PLXNA2: variants seen among roughly 807,000 people sequenced by gnomAD.
The protein encoded by PLXNA2 is plexin A2, also known as plexin-A2.
PLXNA2 carries 91 observed loss-of-function variants against 193.5 expected under a neutral mutation model. That is an observed-to-expected ratio of 0.47 (90% CI 0.40 to 0.56). The LOEUF (loss-of-function observed/expected upper bound fraction) is 0.56. PLXNA2 is among the 20% of genes least tolerant of loss of function. The probability of loss-of-function intolerance (pLI) is 0.00; values close to 1 mark genes in which losing one functional copy is unlikely to be tolerated. For synonymous variants in PLXNA2, 997 were observed against 1,027.3 expected (o/e 0.97, Z 0.56); for missense variants, 1,995 against 2,503.2 (o/e 0.80, Z 4.33).
intron 3 of PLXNA2, among the ~76,000 whole-genome samples, chr1:208,189,970 G>C (rs1044237810): frequency 3.1e-4 from 47 of 152,188 alleles, no homozygotes; most frequent in African/African-American, 1.1e-3. Flanking sequence ...CAAAAGTGTG[G>C]TTGTATGTGT....
chr1:208,081,907 C>G (rs954721445), intron 11 of PLXNA2, among the ~76,000 whole-genome samples: 4 of 152,090 alleles, frequency 2.6e-5, no homozygotes, highest in Non-Finnish European at 5.9e-5. Flanking sequence ...TGGAGCACCC[C>G]TCCTTCTTCA....
At chr1:208,158,444 T>G (rs1352249715) in intron 3 of PLXNA2, among the ~76,000 whole-genome samples, 1 of 152,042 alleles carries the variant, frequency 6.6e-6, no homozygotes, top group Non-Finnish European at 1.5e-5. Context: ...GACCTGCATT[T>G]CCCCCTGTCT....
At chr1:208,071,571 C>T (rs1571883995) in intron 12 of PLXNA2, among the ~76,000 whole-genome samples, 1 of 152,316 alleles carries the variant, frequency 6.6e-6, no homozygotes, top group East Asian at 1.9e-4. Flanking sequence ...TAGGCTAGAG[C>T]CCAGCTGACG....
intron 28 of PLXNA2, 69 bp from the exon 29 acceptor site, chr1:208,031,828 G>A: frequency 7.2e-7 from 1 of 1,380,188 alleles, no homozygotes. Context: ...CATACCAGAT[G>A]GTGCCTTGGA....
chr1:208,089,942 T>C (rs936187958), intron 9 of PLXNA2, among the ~76,000 whole-genome samples: 1 of 152,182 alleles, frequency 6.6e-6, no homozygotes, highest in African/African-American at 2.4e-5. Flanking sequence ...GCATCTTTGC[T>C]GTTCCTCAAA....
intron 3 of PLXNA2, among the ~76,000 whole-genome samples, chr1:208,185,720 G>GAAAAAAAAAAAAAAAAAAAAAAAAAAAAA (rs79068594): frequency 1.2e-5 from 1 of 81,770 alleles, no homozygotes; most frequent in Non-Finnish European, 2.5e-5. Context: ...AAAAAAAAAG[G>GAAAAAAAAAAAAAAAAAAAAAAAAAAAAA]AAAAAAAAAA....
chr1:208,140,100 T>A (rs1232982850), intron 4 of PLXNA2, among the ~76,000 whole-genome samples: 1 of 152,092 alleles, frequency 6.6e-6, no homozygotes, highest in Non-Finnish European at 1.5e-5. Flanking sequence ...CCCCTCTGTT[T>A]GGTGTAGACT....
chr1:208,178,988 C>T (rs1354361837), intron 3 of PLXNA2, among the ~76,000 whole-genome samples: 1 of 152,176 alleles, frequency 6.6e-6, no homozygotes, highest in Non-Finnish European at 1.5e-5. Context: ...GGGACATGTG[C>T]TACCACACAA....
intron 26 of PLXNA2, among the ~76,000 whole-genome samples, chr1:208,036,680 C>T (rs577242846): frequency 6.6e-6 from 1 of 152,328 alleles, no homozygotes; most frequent in East Asian, 1.9e-4. Context: ...CCTGCTGTCC[C>T]CTGTCACTCA....
chr1:208,057,639 C>T (rs747024534), intron 13 of PLXNA2, among the ~76,000 whole-genome samples: 6 of 152,128 alleles, frequency 3.9e-5, no homozygotes, highest in Non-Finnish European at 7.4e-5. Flanking sequence ...TCTTGTCTTC[C>T]CTGTCTCCTC....
intron 12 of PLXNA2, among the ~76,000 whole-genome samples, chr1:208,069,919 A>G (rs1665928093): frequency 6.6e-6 from 1 of 152,210 alleles, no homozygotes; most frequent in Non-Finnish European, 1.5e-5. Context: ...ATTTTATCCC[A>G]CTAAGCGCTC....
At chr1:208,239,311 T>C (rs980027761) in intron 1 of PLXNA2, among the ~76,000 whole-genome samples, 1 of 152,100 alleles carries the variant, frequency 6.6e-6, no homozygotes, top group Non-Finnish European at 1.5e-5. Context: ...CCTGCAAGGC[T>C]CTCTTTCCCA....
At chr1:208,183,032 C>G (rs896425015) in intron 3 of PLXNA2, among the ~76,000 whole-genome samples, 5 of 152,204 alleles carry the variant, frequency 3.3e-5, no homozygotes, top group African/African-American at 7.2e-5. Context: ...GGAGGCTGTA[C>G]AGAGAGGCAG....
chr1:208,194,185 C>T (rs1670278099), intron 3 of PLXNA2, among the ~76,000 whole-genome samples: 1 of 151,728 alleles, frequency 6.6e-6, no homozygotes, highest in Non-Finnish European at 1.5e-5. Flanking sequence ...AGGTTGGGAG[C>T]CCCTGTCTGC....
chr1:208,193,927 C>T lies in PLXNA2; in HGVS notation c.1371+16353G>A, dbSNP rs12047642. 2.5e-4 allele frequency among the ~76,000 whole-genome samples: 38 copies of T among 151,768 alleles called. 1 individual carries two copies. In the East Asian group the frequency reaches 7.0e-3, roughly 28 times the overall value. On this transcript the variant is annotated intron_variant, in intron 3 of 31. Transcript: ENST00000367033. Reference sequence around the variant, plus strand: ...AACTTTTTAAATGTAAAATAAATAACGAAAAATTTTATTAAAAAAATTTTT... The same window carrying T: ...AACTTTTTAAATGTAAAATAAATAATGAAAAATTTTATTAAAAAAATTTTT...
intron 12 of PLXNA2, among the ~76,000 whole-genome samples, chr1:208,067,051 G>A (rs926261662): frequency 6.6e-6 from 1 of 152,174 alleles, no homozygotes; most frequent in Admixed American, 6.5e-5. Context: ...AAAGTAAAAA[G>A]TTATAGTAAC....
chr1:208,186,505 T>C (rs1268664615), intron 3 of PLXNA2, among the ~76,000 whole-genome samples: 3 of 152,048 alleles, frequency 2.0e-5, no homozygotes, highest in Admixed American at 6.5e-5. Flanking sequence ...CTTTTTAAAG[T>C]TGGGTTGTTA....
chr1:208,069,044 G>A (rs1345314632), intron 12 of PLXNA2, among the ~76,000 whole-genome samples: 2 of 152,204 alleles, frequency 1.3e-5, no homozygotes, highest in Non-Finnish European at 2.9e-5. Context: ...CCTGCCCCAG[G>A]AGCAGTCAGT....
intron 2 of PLXNA2, among the ~76,000 whole-genome samples, chr1:208,216,256 T>C (rs1274074867): frequency 6.6e-6 from 1 of 152,248 alleles, no homozygotes; most frequent in East Asian, 1.9e-4. Context: ...GTGGCTCCCT[T>C]TCTTCCCATC....
Sources: allele counts gnomAD v4.1 joint callset (sites outside exome capture counted in the v4.1 genomes callset), GRCh38; gene constraint gnomAD v4.1.1; transcripts MANE v1.5; gene names NCBI Gene and HGNC (gene_info 2026-07-23, HGNC 2026-07-21).